The following REV3L variants were observed in gnomAD, a reference collection of about 807,000 sequenced individuals.
The protein encoded by REV3L is REV3 like, DNA directed polymerase zeta catalytic subunit.
REV3L carries 69 observed loss-of-function variants against 299.4 expected under a neutral mutation model. The ratio of observed to expected loss-of-function variants is 0.23; its 90% CI spans 0.19 to 0.28. The LOEUF (loss-of-function observed/expected upper bound fraction) is 0.28, where lower values mean the gene tolerates loss of function less well. REV3L is among the 10% of genes least tolerant of loss of function. REV3L has a pLI of 1.00. For missense variants in REV3L, 3,128 were observed against 3,693.8 expected (o/e 0.85, Z 3.97); for synonymous variants, 1,238 against 1,271.4 (o/e 0.97, Z 0.56).
intron 25 of REV3L, among the ~76,000 whole-genome samples, chr6:111,324,700 G>A (rs571022058): frequency 2.6e-4 from 40 of 152,278 alleles, no homozygotes; most frequent in African/African-American, 8.9e-4. Flanking sequence ...AGAGTGAGGG[G>A]GAGGCGGAAG....
intron 1 of REV3L, among the ~76,000 whole-genome samples, chr6:111,461,748 T>C (rs1790798808): frequency 6.6e-6 from 1 of 151,914 alleles, no homozygotes; most frequent in Non-Finnish European, 1.5e-5. Flanking sequence ...CGGCAAACCC[T>C]AGGGCAACCA....
intron 31 of REV3L, among the ~76,000 whole-genome samples, chr6:111,306,121 A>T (rs1772255418): frequency 6.6e-6 from 1 of 152,164 alleles, no homozygotes; most frequent in Non-Finnish European, 1.5e-5. Flanking sequence ...TTCATTTGCT[A>T]TTTAGTGAGG....
Position 111,357,048 on chromosome 6 carries a change from C to T in REV3L, c.7150G>A (p.Ala2384Thr). Residue 2384 changes from alanine (A) to threonine (T), a missense_variant, in exon 18 of 32, where the codon GCA becomes ACA. This residue lies in a region of REV3L where 82 missense variants were observed against 142.7 expected (regional missense o/e 0.57). Coordinates refer to ENST00000368802, the MANE Select transcript of REV3L (RefSeq NM_001372078.1). Reference protein sequence around the residue: ...LEVTYAADEKALFHEIANIIK... With the variant: ...LEVTYAADEKTLFHEIANIIK... ...ATATTTGCAATTTCATGAAAAAGTG[C>T]CTTCTCATCAGCAGCATAGGTGACT... 2 of 1,599,662 alleles carry T rather than the reference C, an allele frequency of 1.3e-6. No homozygotes were observed. The highest frequency in any genetic ancestry group is 1.7e-6 in the Non-Finnish European group (2 of 1,171,446).
rs564224764 is a variant in REV3L at position 111,406,681 on chromosome 6, T to C, written c.405-1051A>G. Among the ~76,000 whole-genome samples the C allele has an allele frequency of 1.8e-3, 275 of 152,192 alleles. 1 individual carries two copies. The highest frequency in any genetic ancestry group is 3.1e-3 in the Non-Finnish European group (210 of 68,002). On this transcript the variant is annotated intron_variant, in intron 3 of 31. Transcript: ENST00000368802. ...TGCTTAAGCAGCTGGTTAGTGGTGG[T>C]GCAATTATTTGAAAGGGGAAGAACT...
chr6:111,419,782 G>A (rs1785117542), intron 1 of REV3L, among the ~76,000 whole-genome samples: 1 of 152,028 alleles, frequency 6.6e-6, no homozygotes, highest in South Asian at 2.1e-4. Flanking sequence ...ATGCTTTCAA[G>A]AATGTTTTTA....
intron 18 of REV3L, among the ~76,000 whole-genome samples, chr6:111,354,534 A>T (rs1777900601): frequency 6.6e-6 from 1 of 152,080 alleles, no homozygotes; most frequent in African/African-American, 2.4e-5. Context: ...ATATATATTT[A>T]TTTTTTGACC....
chr6:111,474,270 T>C (rs542374968), intron 1 of REV3L, among the ~76,000 whole-genome samples: 1 of 152,146 alleles, frequency 6.6e-6, no homozygotes, highest in South Asian at 2.1e-4. Flanking sequence ...CAAACGCACG[T>C]GGTGAGCAGC....
chr6:111,465,745 C>CAAAAAAAAAAAAAAA (rs376561912), intron 1 of REV3L, among the ~76,000 whole-genome samples: 6 of 76,842 alleles, frequency 7.8e-5, no homozygotes, highest in African/African-American at 3.2e-4. Context: ...AAACAAAAAC[C>CAAAAAAAAAAAAAAA]AAAAAAAAAA....
intron 21 of REV3L, among the ~76,000 whole-genome samples, chr6:111,342,593 G>A (rs1275547964): frequency 2.6e-5 from 4 of 151,718 alleles, no homozygotes; most frequent in Admixed American, 6.6e-5. Flanking sequence ...GCGTGAACTC[G>A]GGAGGCGGAG....
At chr6:111,391,920 C>T (rs1049910063) in intron 5 of REV3L, among the ~76,000 whole-genome samples, 10 of 152,314 alleles carry the variant, frequency 6.6e-5, no homozygotes, top group East Asian at 1.9e-4. Flanking sequence ...GCCCAGAAGG[C>T]GGCGGTCGTA....
In REV3L at chr6:111,454,558, C is replaced by A. The variant is rs377610128; in HGVS notation, c.139+28192G>T. On this transcript the variant is annotated intron_variant, in intron 1 of 31. Coordinates refer to ENST00000368802, the MANE Select transcript of REV3L (RefSeq NM_001372078.1). ...AAATAATAATAAATCCCCATTCCTC[C>A]TCCATCCCACCCTCAGTAAACACTA... 3.9e-5 allele frequency among the ~76,000 whole-genome samples: 6 copies of A among 152,294 alleles called. 1 individual carries two copies. Among genetic ancestry groups the A allele is most frequent in the African/African-American group, 1.4e-4 (6 of 41,552 alleles).
At chr6:111,447,547 T>C (rs753838420) in intron 1 of REV3L, among the ~76,000 whole-genome samples, 10 of 152,182 alleles carry the variant, frequency 6.6e-5, no homozygotes, top group Non-Finnish European at 8.8e-5. Flanking sequence ...ATTAAAAAAA[T>C]TCACTTTACG....
At chr6:111,432,160 AAAC>A (rs1458343718) in intron 1 of REV3L, among the ~76,000 whole-genome samples, 1 of 152,222 alleles carries the variant, frequency 6.6e-6, no homozygotes, top group East Asian at 1.9e-4. Context: ...AGGAGTTCTA[AAAC>A]AACAGAAAAC....
intron 5 of REV3L, among the ~76,000 whole-genome samples, chr6:111,391,193 G>A (rs2128254687): frequency 6.6e-6 from 1 of 151,638 alleles, no homozygotes; most frequent in African/African-American, 2.4e-5. Context: ...AGCTTCCCAA[G>A]TAACTGGGAT....
At chr6:111,412,122 G>A (rs1285372504) in intron 2 of REV3L, 2 of 985,154 alleles carry the variant, frequency 2.0e-6, no homozygotes, top group African/African-American at 1.7e-5. Flanking sequence ...CCTATTATAT[G>A]TACACACAGC....
At chr6:111,430,113 G>A in intron 1 of REV3L, 3 of 790,804 alleles carry the variant, frequency 3.8e-6, no homozygotes, top group South Asian at 2.7e-5. Context: ...TTGAGACGGG[G>A]TGGAGAATGA....
At chr6:111,360,041 C>T (rs1778489731) in intron 16 of REV3L, among the ~76,000 whole-genome samples, 2 of 152,062 alleles carry the variant, frequency 1.3e-5, no homozygotes, top group African/African-American at 2.4e-5. Context: ...AAAATATACA[C>T]AACAAGGATG....
chr6:111,480,726 A>C (rs1352802600), intron 1 of REV3L, among the ~76,000 whole-genome samples: 1 of 151,856 alleles, frequency 6.6e-6, no homozygotes, highest in Admixed American at 6.6e-5. Context: ...TATGTCTTTC[A>C]ATGTACATAT....
At chr6:111,344,100 G>T (rs1467402034) in intron 20 of REV3L, 57 bp from the exon 21 acceptor site, 2 of 1,181,760 alleles carry the variant, frequency 1.7e-6, no homozygotes, top group Non-Finnish European at 2.4e-6. Flanking sequence ...TAGCAAATTT[G>T]GTTCTAAAAG....
Sources: allele counts gnomAD v4.1 joint callset (sites outside exome capture counted in the v4.1 genomes callset), GRCh38; gene constraint gnomAD v4.1.1; regional missense constraint gnomAD v4.1.1; transcripts MANE v1.5; gene names NCBI Gene and HGNC (gene_info 2026-07-23, HGNC 2026-07-21).